The following CD99 variants were observed in gnomAD, a reference collection of about 807,000 sequenced individuals.
The protein encoded by CD99 is CD99 molecule (Xg blood group).
A neutral mutation model predicts 28.4 loss-of-function variants in CD99; 19 were observed. That is an observed-to-expected ratio of 0.67 (90% CI 0.47 to 0.98). CD99 has a LOEUF of 0.98. CD99 is among the 50% of genes least tolerant of loss of function. The pLI is 0.00. For synonymous variants in CD99, 103 were observed against 92.1 expected, an observed-to-expected ratio of 1.12 and a Z score of -0.67; for missense variants, 283 against 248.8, an observed-to-expected ratio of 1.14 and a Z score of -0.92.
intron 8 of CD99, among the ~76,000 whole-genome samples, chrX:2,730,929 CAA>C (rs4034603): frequency 0.22 from 23,147 of 106,122 alleles, 1,806 homozygotes; most frequent in South Asian, 0.35. Context: ...GACTCTGTCT[CAA>C]AAAAAAAAAA....
At position 2,722,618 on chromosome X, in the gene CD99, CT is replaced by C; in HGVS notation, c.263-6del. 6.2e-7 allele frequency: 1 copy of C among 1,613,876 alleles called. No homozygotes were observed. The highest frequency in any genetic ancestry group is 1.1e-5 in the South Asian group (1 of 91,072). On this transcript the variant is annotated splice_region_variant and splice_polypyrimidine_tract_variant and intron_variant, in intron 5 of 9. Transcript: ENST00000381192. ...AGGTTGACAGGTGATGCTGTATTTTCTTTCCTAGGTAGCTTTTCAGATGCTG... is the reference window on the plus strand; with the variant it reads ...AGGTTGACAGGTGATGCTGTATTTTCTTCCTAGGTAGCTTTTCAGATGCTG...
chrX:2,734,070 G>A (rs539252014), intron 8 of CD99, among the ~76,000 whole-genome samples: 9 of 152,250 alleles, frequency 5.9e-5, no homozygotes, highest in Non-Finnish European at 7.4e-5. Context: ...CTCTGCGGCC[G>A]TCTTCCTTGG....
chrX:2,723,442 C>T (rs759968504), intron 7 of CD99, 78 bp downstream of exon 7: 74 of 1,517,284 alleles, frequency 4.9e-5, no homozygotes, highest in Non-Finnish European at 6.4e-5. Flanking sequence ...TGAGAGCTGG[C>T]GGACTGCACT....
At chrX:2,734,080 G>C (rs2049812738) in intron 8 of CD99, among the ~76,000 whole-genome samples, 1 of 152,066 alleles carries the variant, frequency 6.6e-6, no homozygotes, top group Non-Finnish European at 1.5e-5. Flanking sequence ...GTCTTCCTTG[G>C]ATTCTCTCAT....
At chrX:2,738,286 C>A in intron 9 of CD99, 30 bp downstream of exon 9, 1 of 1,608,596 alleles carries the variant, frequency 6.2e-7, no homozygotes. Flanking sequence ...ATGGCTTGCA[C>A]ACGTGGCCAG....
chrX:2,702,996 C>T (rs1488332749), intron 1 of CD99, among the ~76,000 whole-genome samples: 5 of 152,016 alleles, frequency 3.3e-5, no homozygotes, highest in African/African-American at 1.2e-4. Flanking sequence ...ACCGTGTTGG[C>T]CAGGCTGCTC....
chrX:2,717,671 T>C lies in CD99; in HGVS notation c.148+19T>C. On this transcript the variant is annotated intron_variant, in intron 3 of 9. Coordinates refer to ENST00000381192, the MANE Select transcript of CD99 (RefSeq NM_002414.5). The stretch of plus-strand genomic sequence containing the variant: ...AGTGCTGGTGAGAAGGGCTTCTTCC[T>C]AGTATGCAAAGAAAAAGAGCAAATC... The C allele has an allele frequency of 6.2e-7, 1 of 1,609,906 alleles. No individual in the cohort carries two copies.
intron 1 of CD99, among the ~76,000 whole-genome samples, chrX:2,708,282 A>G (rs756060911): frequency 6.6e-6 from 1 of 152,150 alleles, no homozygotes; most frequent in South Asian, 2.1e-4. Context: ...ATTATGGGTG[A>G]TTCAGGGTGC....
In CD99 at chrX:2,735,141, C is replaced by T. The variant is rs1476661666; in HGVS notation, c.476-3059C>T. ...TTTCCCAGAGTGTCTGTCCTAACAC[C>T]GCTTAAAGATTAGCCACTGCTAGAC... On this transcript the variant is annotated intron_variant, in intron 8 of 9. Transcript: ENST00000381192. Among the ~76,000 whole-genome samples, 11 of 152,284 alleles carry T rather than the reference C, an allele frequency of 7.2e-5. 1 individual carries two copies. The South Asian group carries it at 8.3e-4, about 11-fold the overall frequency.
intron 1 of CD99, among the ~76,000 whole-genome samples, chrX:2,706,897 T>G (rs1313895015): frequency 6.6e-6 from 1 of 151,938 alleles, no homozygotes; most frequent in Non-Finnish European, 1.5e-5. Flanking sequence ...CTCGGCTCAC[T>G]GCAACCTCCA....
chrX:2,707,631 G>A (rs922350834), intron 1 of CD99, among the ~76,000 whole-genome samples: 1 of 152,172 alleles, frequency 6.6e-6, no homozygotes, highest in Non-Finnish European at 1.5e-5. Flanking sequence ...ACCCTGTCCC[G>A]GAAACATCTG....
At chrX:2,696,184 G>T (rs1210071191) in intron 1 of CD99, among the ~76,000 whole-genome samples, 1 of 152,180 alleles carries the variant, frequency 6.6e-6, no homozygotes, top group Admixed American at 6.5e-5. Context: ...CAACAAAATG[G>T]CAGAGAAAGG....
intron 1 of CD99, among the ~76,000 whole-genome samples, chrX:2,710,853 A>C (rs1254766066): frequency 7.0e-6 from 1 of 143,664 alleles, no homozygotes; most frequent in Non-Finnish European, 1.5e-5. Flanking sequence ...ACATATGAAG[A>C]TATGTAGAGA....
chrX:2,699,637 T>G (rs2047752273), intron 1 of CD99, among the ~76,000 whole-genome samples: 1 of 152,134 alleles, frequency 6.6e-6, no homozygotes, highest in African/African-American at 2.4e-5. Context: ...TTTCATTTTT[T>G]GTAGAGACAG....
chrX:2,727,290 T>G, intron 8 of CD99: 1 of 779,102 alleles, frequency 1.3e-6, no homozygotes, highest in Non-Finnish European at 2.4e-6. Flanking sequence ...GCAATCCTCC[T>G]AGGTCAGCTG....
chrX:2,700,426 A>G (rs2047791156), intron 1 of CD99, among the ~76,000 whole-genome samples: 1 of 149,882 alleles, frequency 6.7e-6, no homozygotes, highest in Non-Finnish European at 1.5e-5. Context: ...CCATCCATCA[A>G]CCCATCCTCC....
At chrX:2,705,458 G>A (rs765012900) in intron 1 of CD99, among the ~76,000 whole-genome samples, 1 of 152,242 alleles carries the variant, frequency 6.6e-6, no homozygotes, top group African/African-American at 2.4e-5. Context: ...TTTAAATGAT[G>A]TGTTTATTTC....
At position 2,717,694 on chromosome X, in the gene CD99, A is replaced by G. The variant is rs756286404; in HGVS notation, c.148+42A>G. 15 of 1,570,092 alleles carry G rather than the reference A, an allele frequency of 9.6e-6. No homozygotes were observed. In the East Asian group the frequency reaches 2.5e-4, roughly 26 times the overall value. On this transcript the variant is annotated intron_variant, in intron 3 of 9. Transcript: ENST00000381192. ...CCTAGTATGCAAAGAAAAAGAGCAA[A>G]TCATTTTCTCGGACAGCAGGACGGG...
At chrX:2,724,546 A>G (rs2049173589) in intron 7 of CD99, among the ~76,000 whole-genome samples, 1 of 152,104 alleles carries the variant, frequency 6.6e-6, no homozygotes, top group African/African-American at 2.4e-5. Flanking sequence ...AGGCGGGAGG[A>G]TTGCTTGAGG....
Sources: allele counts gnomAD v4.1 joint callset (sites outside exome capture counted in the v4.1 genomes callset), GRCh38; gene constraint gnomAD v4.1.1; transcripts MANE v1.5; gene names NCBI Gene and HGNC (gene_info 2026-07-23, HGNC 2026-07-21).